Variants in GIGYF2 observed in about 807,000 individuals in gnomAD.
GIGYF2 encodes GRB10-interacting GYF protein 2.
GIGYF2 carries 25 observed loss-of-function variants against 208.1 expected under a neutral mutation model. The observed-to-expected ratio is 0.12, with a 90% confidence interval of 0.09 to 0.17. The LOEUF (loss-of-function observed/expected upper bound fraction) is 0.17. GIGYF2 is among the 10% of genes least tolerant of loss of function. The probability of loss-of-function intolerance (pLI) is 1.00; values close to 1 mark genes in which losing one functional copy is unlikely to be tolerated. For missense variants in GIGYF2, 1,302 were observed against 1,579.4 expected, an observed-to-expected ratio of 0.82 and a Z score of 2.98; for synonymous variants, 534 against 543.8, an observed-to-expected ratio of 0.98 and a Z score of 0.25.
chr2:232,735,280 A>G, intron 3 of GIGYF2, 42 bp downstream of exon 3: 1 of 1,372,602 alleles, frequency 7.3e-7, no homozygotes, highest in Non-Finnish European at 1.0e-6. Context: ...TTGGATGACT[A>G]ATACAGTAGT....
intron 21 of GIGYF2, among the ~76,000 whole-genome samples, chr2:232,820,350 T>G (rs946630843): frequency 2.7e-5 from 4 of 150,050 alleles, no homozygotes; most frequent in South Asian, 2.1e-4. Flanking sequence ...AGTCTCACTC[T>G]GTCGCCCAGG....
At chr2:232,741,493 G>A (rs115255027) in intron 3 of GIGYF2, among the ~76,000 whole-genome samples, 9,105 of 150,964 alleles carry the variant, frequency 0.06, 290 homozygotes, top group Non-Finnish European at 0.076. Flanking sequence ...CCCAAGCTGC[G>A]GTGCAGTGGT....
chr2:232,721,997 C>T (rs1039577300), intron 2 of GIGYF2, among the ~76,000 whole-genome samples: 2 of 152,140 alleles, frequency 1.3e-5, no homozygotes, highest in African/African-American at 4.8e-5. Flanking sequence ...ACACCCTTCC[C>T]CATAGTGTCT....
intron 2 of GIGYF2, among the ~76,000 whole-genome samples, chr2:232,707,869 C>T (rs955861411): frequency 3.9e-5 from 6 of 152,050 alleles, no homozygotes; most frequent in Non-Finnish European, 7.4e-5. Flanking sequence ...AACTCTTGAC[C>T]TCAGGTGATC....
At chr2:232,805,376 TTTG>T (rs1324391206) in intron 14 of GIGYF2, among the ~76,000 whole-genome samples, 3 of 152,198 alleles carry the variant, frequency 2.0e-5, no homozygotes, top group Non-Finnish European at 4.4e-5. Context: ...ATTTTGGAGC[TTTG>T]TTGTTTGGTG....
rs915540811 is a variant in GIGYF2, at chr2:232,858,251, G to C, written c.*1391G>C. 1 of 342,418 alleles carries C rather than the reference G, an allele frequency of 2.9e-6. No homozygotes were observed. The highest frequency in any genetic ancestry group is 8.0e-5 in the East Asian group (1 of 12,452). The allele number at this position is 342,418 out of a possible 1,614,324, so 21.2% of individuals were successfully genotyped here. A position where few individuals can be genotyped will look rare whatever the true frequency, so the allele number is the denominator to read the frequency against. ...CAGCCCCTGGAAAAGCACCTTTGCT[G>C]CCTGTCATTGTTGCCTGAAGAAGGC... On this transcript the variant is annotated 3_prime_UTR_variant, in exon 29 of 29. Transcript: ENST00000373563.
Position 232,817,041 on chromosome 2 carries a change from C to T in GIGYF2, c.2370+9C>T, listed in dbSNP as rs1700937030. 1.3e-6 allele frequency: 2 copies of T among 1,599,794 alleles called. No individual in the cohort carries two copies. The highest frequency in any genetic ancestry group is 1.7e-6 in the Non-Finnish European group (2 of 1,166,964). ...TTGCCCGAAGGAAACAGGTATGTATCTGGGAACTCTGACCATAGGATTAGT... is the reference window on the plus strand; with the variant it reads ...TTGCCCGAAGGAAACAGGTATGTATTTGGGAACTCTGACCATAGGATTAGT... On this transcript the variant is annotated intron_variant, in intron 20 of 28. Transcript: ENST00000373563.
chr2:232,856,859 G>A lies in GIGYF2; in HGVS notation c.3899G>A (p.Ter1300=), dbSNP rs61731616. Residue 1300 remains the stop codon, a stop_retained_variant, in exon 29 of 29, where the codon TGA becomes TAA. Coordinates refer to ENST00000373563, the MANE Select transcript of GIGYF2 (RefSeq NM_001103146.3). ...MGEIETLDDY[*] is the part of the protein sequence containing the mutation. The stretch of plus-strand genomic sequence containing the variant: ...GAAATCGAGACGTTGGATGACTACT[G>A]AGCACCTGCCAGTGGACTGGCCATC... 7.5e-4 allele frequency: 1,210 copies of A among 1,605,572 alleles called. 2 individuals carry two copies. In the African/African-American group the frequency reaches 0.014, roughly 18 times the overall value.
intron 3 of GIGYF2, among the ~76,000 whole-genome samples, chr2:232,745,359 C>G (rs1486317868): frequency 2.0e-5 from 3 of 152,068 alleles, no homozygotes; most frequent in African/African-American, 7.2e-5. Flanking sequence ...CTGGAACATT[C>G]TGACATACCA....
chr2:232,803,183 G>C (rs1397342678), intron 14 of GIGYF2, among the ~76,000 whole-genome samples: 1 of 152,200 alleles, frequency 6.6e-6, no homozygotes, highest in African/African-American at 2.4e-5. Flanking sequence ...GAGCCACTGT[G>C]CCCGGCCTGT....
intron 4 of GIGYF2, among the ~76,000 whole-genome samples, chr2:232,748,064 T>C (rs531761374): frequency 6.6e-6 from 1 of 152,160 alleles, no homozygotes; most frequent in Non-Finnish European, 1.5e-5. Flanking sequence ...ATTTTTCCTT[T>C]CTCTTTATTG....
At chr2:232,756,156 T>C in intron 5 of GIGYF2, 67 bp from the exon 6 acceptor site, 3 of 905,062 alleles carry the variant, frequency 3.3e-6, no homozygotes, top group Non-Finnish European at 1.7e-6. Flanking sequence ...TGTAGTTTTA[T>C]CTGTTTCATC....
rs967394667 is a variant in GIGYF2, at chr2:232,794,597, AC to A, written c.1283-150del. 2.4e-5 allele frequency: 17 copies of A among 713,318 alleles called. No individual in the cohort carries two copies. The African/African-American group carries it at 2.6e-4, about 11-fold the overall frequency. The allele number at this position is 713,318 out of a possible 1,614,324, so 44.2% of individuals were successfully genotyped here. A position where few individuals can be genotyped will look rare whatever the true frequency, so the allele number is the denominator to read the frequency against. Reference sequence around the variant, plus strand: ...TTTTGTCACTCTAGGAAGGAATATTACGTTTCTCCATAGAAGTAGCTTCACT... The same window carrying A: ...TTTTGTCACTCTAGGAAGGAATATTAGTTTCTCCATAGAAGTAGCTTCACT... On this transcript the variant is annotated intron_variant, in intron 12 of 28. Coordinates refer to ENST00000373563, the MANE Select transcript of GIGYF2 (RefSeq NM_001103146.3).
intron 12 of GIGYF2, among the ~76,000 whole-genome samples, chr2:232,793,932 G>A (rs2106367012): frequency 6.6e-6 from 1 of 152,326 alleles, no homozygotes. Flanking sequence ...GCTTATCTTT[G>A]AGAGAGGAGC....
chr2:232,802,459 G>C (rs1700426133), intron 14 of GIGYF2, among the ~76,000 whole-genome samples: 1 of 152,086 alleles, frequency 6.6e-6, no homozygotes, highest in South Asian at 2.1e-4. Flanking sequence ...TTATGAAAGG[G>C]TGATACTACT....
chr2:232,839,553 T>C (rs1330886623), intron 22 of GIGYF2, among the ~76,000 whole-genome samples: 1 of 152,246 alleles, frequency 6.6e-6, no homozygotes, highest in Non-Finnish European at 1.5e-5. Flanking sequence ...TATTGCTGTT[T>C]ATGTCAGTAC....
intron 23 of GIGYF2, among the ~76,000 whole-genome samples, chr2:232,841,058 C>T (rs1325853428): frequency 6.6e-6 from 1 of 150,900 alleles, no homozygotes. Context: ...ACCTTATTTC[C>T]CACCTTTATT....
intron 5 of GIGYF2, among the ~76,000 whole-genome samples, chr2:232,753,052 A>C (rs1698393277): frequency 6.6e-6 from 1 of 152,166 alleles, no homozygotes; most frequent in South Asian, 2.1e-4. Flanking sequence ...TCACACACAC[A>C]CACATAAATG....
At chr2:232,799,421 G>T (rs1030386159) in intron 14 of GIGYF2, among the ~76,000 whole-genome samples, 1 of 151,638 alleles carries the variant, frequency 6.6e-6, no homozygotes, top group Non-Finnish European at 1.5e-5. Flanking sequence ...GGGATGGTGT[G>T]TGCCTGTAGT....
Sources: allele counts gnomAD v4.1 joint callset (sites outside exome capture counted in the v4.1 genomes callset), GRCh38; gene constraint gnomAD v4.1.1; transcripts MANE v1.5; gene names NCBI Gene and HGNC (gene_info 2026-07-23, HGNC 2026-07-21).